Variants in STPG2 observed in about 807,000 individuals in gnomAD.
STPG2 encodes the protein sperm tail PG-rich repeat containing 2.
STPG2 carries 56 observed loss-of-function variants against 54.2 expected under a neutral mutation model. The observed-to-expected ratio is 1.03, with a 90% CI of 0.83 to 1.29. STPG2 has a LOEUF of 1.29. Ranked by LOEUF, STPG2 falls within the 50% of genes most tolerant of loss-of-function variation. STPG2 has a pLI of 0.00. For synonymous variants in STPG2, 200 were observed against 181.8 expected (o/e 1.10, Z -0.81); for missense variants, 596 against 544.9 (o/e 1.09, Z -0.93).
chr4:97,741,401 G>C (rs567011882), intron 9 of STPG2, among the ~76,000 whole-genome samples: 9 of 152,092 alleles, frequency 5.9e-5, no homozygotes, highest in African/African-American at 1.7e-4. Context: ...CACAGCAAAA[G>C]AAACTACCAT....
At chr4:97,458,686 G>T (rs188310753) in intron 4 of STPG2, among the ~76,000 whole-genome samples, 104 of 152,160 alleles carry the variant, frequency 6.8e-4, no homozygotes, top group African/African-American at 2.3e-3. Flanking sequence ...TCATTACATT[G>T]TTCCCTGTCA....
intron 10 of STPG2, among the ~76,000 whole-genome samples, chr4:97,627,396 A>T (rs1215905925): frequency 6.6e-6 from 1 of 152,168 alleles, no homozygotes; most frequent in Admixed American, 6.6e-5. Context: ...GGGTGTTACA[A>T]AACTGTTTTT....
At chr4:97,710,088 T>G (rs558174895) in intron 10 of STPG2, among the ~76,000 whole-genome samples, 15 of 148,962 alleles carry the variant, frequency 1.0e-4, no homozygotes, top group African/African-American at 3.5e-4. Context: ...TGAACTTTTA[T>G]AGATTAATAA....
At chr4:97,805,644 T>G (rs1465583681) in intron 9 of STPG2, among the ~76,000 whole-genome samples, 1 of 152,180 alleles carries the variant, frequency 6.6e-6, no homozygotes, top group African/African-American at 2.4e-5. Flanking sequence ...ATTTGTTAAG[T>G]TCCTTATAGA....
intron 8 of STPG2, among the ~76,000 whole-genome samples, chr4:97,916,093 C>A (rs1487575136): frequency 6.6e-6 from 1 of 152,034 alleles, no homozygotes; most frequent in Non-Finnish European, 1.5e-5. Context: ...TCCTGATTTG[C>A]CTGGGATATG....
chr4:97,887,250 C>T (rs1042898579), intron 8 of STPG2, among the ~76,000 whole-genome samples: 4 of 152,138 alleles, frequency 2.6e-5, no homozygotes, highest in Admixed American at 1.3e-4. Context: ...GTGAAGGGCT[C>T]ACAAGGAGAC....
At chr4:97,670,598 T>C (rs1228467394) in intron 10 of STPG2, among the ~76,000 whole-genome samples, 1 of 152,236 alleles carries the variant, frequency 6.6e-6, no homozygotes, top group Non-Finnish European at 1.5e-5. Context: ...CAAATTATGC[T>C]ATTTTCTCTT....
At chr4:97,576,644 C>A (rs1305062273) in intron 10 of STPG2, among the ~76,000 whole-genome samples, 2 of 151,954 alleles carry the variant, frequency 1.3e-5, no homozygotes, top group Non-Finnish European at 2.9e-5. Flanking sequence ...ATAAAAAATC[C>A]TAGAAGAAAA....
At chr4:97,785,707 T>C (rs1161742134) in intron 9 of STPG2, among the ~76,000 whole-genome samples, 6 of 152,056 alleles carry the variant, frequency 3.9e-5, no homozygotes, top group Admixed American at 3.9e-4. Flanking sequence ...CAAAAATATC[T>C]TCGTTCCCAC....
Position 97,551,736 on chromosome 4 carries a change from G to A in STPG2, c.462+160963C>T, listed in dbSNP as rs184775345. Among the ~76,000 whole-genome samples, 339 of 152,306 alleles carry A rather than the reference G, an allele frequency of 2.2e-3. 2 individuals are homozygous for A. Among genetic ancestry groups the A allele is most frequent in the African/African-American group, 7.5e-3 (312 of 41,562 alleles). ...ATCAAGATGAGGAGCTCTCGCTCATGTACATAGAAAAAATAACACTTATTA... is the reference window on the plus strand; with the variant it reads ...ATCAAGATGAGGAGCTCTCGCTCATATACATAGAAAAAATAACACTTATTA... On this transcript the variant is annotated intron_variant, in intron 4 of 4. Transcript: ENST00000522676.
At chr4:97,625,112 T>G (rs1220549833) in intron 10 of STPG2, among the ~76,000 whole-genome samples, 1 of 152,206 alleles carries the variant, frequency 6.6e-6, no homozygotes, top group African/African-American at 2.4e-5. Context: ...AGAAAACAAA[T>G]TTCTATTGTT....
intron 5 of STPG2, among the ~76,000 whole-genome samples, chr4:98,002,752 G>T (rs1735450681): frequency 1.3e-5 from 2 of 152,122 alleles, no homozygotes; most frequent in African/African-American, 2.4e-5. Context: ...CACTGAAGAT[G>T]AAGGAAATTC....
chr4:98,130,723 C>T (rs1395408732), intron 2 of STPG2, among the ~76,000 whole-genome samples: 2 of 151,774 alleles, frequency 1.3e-5, no homozygotes, highest in Non-Finnish European at 2.9e-5. Flanking sequence ...GAGATCGAGA[C>T]CATCCTGGCT....
intron 5 of STPG2, among the ~76,000 whole-genome samples, chr4:98,093,663 G>C (rs985382118): frequency 6.6e-6 from 1 of 152,212 alleles, no homozygotes; most frequent in African/African-American, 2.4e-5. Flanking sequence ...AGGGGATATA[G>C]TCTTGAATCA....
intron 9 of STPG2, among the ~76,000 whole-genome samples, chr4:97,791,202 C>G (rs1445369407): frequency 2.0e-5 from 3 of 152,038 alleles, no homozygotes; most frequent in African/African-American, 7.2e-5. Context: ...TCTTTTTGAA[C>G]TTTTTCCCAC....
intron 8 of STPG2, among the ~76,000 whole-genome samples, chr4:97,932,402 C>G (rs938107477): frequency 1.3e-5 from 2 of 152,036 alleles, no homozygotes; most frequent in Non-Finnish European, 2.9e-5. Context: ...ATTTGCAGAA[C>G]ATGCTAGTTT....
intron 10 of STPG2, among the ~76,000 whole-genome samples, chr4:97,697,386 C>T (rs1263253263): frequency 6.6e-6 from 1 of 152,116 alleles, no homozygotes; most frequent in East Asian, 1.9e-4. Flanking sequence ...ACCTTAATGC[C>T]AGGAACTGGA....
At chr4:97,723,358 C>G (rs530311688) in intron 9 of STPG2, among the ~76,000 whole-genome samples, 1 of 151,994 alleles carries the variant, frequency 6.6e-6, no homozygotes, top group African/African-American at 2.4e-5. Context: ...GGGTAAAAAT[C>G]TACTTATTGG....
chr4:97,873,889 T>G (rs987253106), intron 8 of STPG2, among the ~76,000 whole-genome samples: 5 of 151,556 alleles, frequency 3.3e-5, no homozygotes, highest in African/African-American at 1.2e-4. Context: ...CACAGCACCT[T>G]TTTATTTTTT....
Sources: gnomAD v4.1 joint callset for allele counts (sites outside exome capture counted in the v4.1 genomes callset) on GRCh38, gnomAD v4.1.1 for gene constraint, MANE v1.5 for transcripts, NCBI Gene and HGNC (gene_info 2026-07-23, HGNC 2026-07-21) for gene names.